COL4A3: variants seen among roughly 807,000 people sequenced by gnomAD.
The protein encoded by COL4A3 is collagen alpha-3(IV) chain.
In COL4A3, 135 loss-of-function variants were observed where a neutral mutation model predicts 217.4. The observed-to-expected ratio is 0.62, with a 90% CI of 0.54 to 0.72. The LOEUF is 0.72. Ranked by LOEUF, COL4A3 falls within the 30% of genes least tolerant of loss-of-function variation. COL4A3 has a pLI of 0.00. For missense variants in COL4A3, 1,868 were observed against 2,119.9 expected (o/e 0.88, Z 2.33); for synonymous variants, 690 against 736.3 (o/e 0.94, Z 1.02).
intron 8 of COL4A3, chr2:227,248,242 C>T (rs1007037455): frequency 7.5e-6 from 4 of 530,376 alleles, no homozygotes; most frequent in African/African-American, 5.7e-5. Flanking sequence ...ACTGGGCCCA[C>T]TGTAAATTTT....
At chr2:227,201,817 C>G (rs2066697946) in intron 1 of COL4A3, among the ~76,000 whole-genome samples, 1 of 152,070 alleles carries the variant, frequency 6.6e-6, no homozygotes, top group South Asian at 2.1e-4. Context: ...AAATGGATAG[C>G]CAGATTAATT....
rs1168237406 is a variant in COL4A3, at chr2:227,284,319, G to A, written c.2855G>A (p.Gly952Glu). The change falls in exon 34 of 52, where the codon GGG becomes GAG. Residue 952 changes from glycine (G) to glutamate (E), a missense_variant. By Grantham distance (98) the Gly-to-Glu change is moderately conservative. Transcript: ENST00000396578. The part of the protein sequence containing the change: ...PGPSEISHVI[G>E]DKGEPGLKGF... ...CCTTCAGAGATATCCCACGTAATAG[G>A]GGACAAAGGAGAACCAGGTCTCAAA... 1 of 1,613,940 alleles carries A rather than the reference G, an allele frequency of 6.2e-7. No individual in the cohort carries two copies. The highest frequency in any genetic ancestry group is 1.1e-5 in the South Asian group (1 of 91,022).
intron 21 of COL4A3, among the ~76,000 whole-genome samples, 162 bp from the exon 22 acceptor site, chr2:227,266,255 A>C (rs1418994206): frequency 6.6e-6 from 1 of 152,242 alleles, no homozygotes; most frequent in African/African-American, 2.4e-5. Context: ...TATGAAGGGA[A>C]GAGCTGGTCA....
Position 227,236,046 on chromosome 2 carries a change from T to C in COL4A3, c.88-1922T>C, listed in dbSNP as rs182680410. Among the ~76,000 whole-genome samples, 189 of 152,270 alleles carry C rather than the reference T, an allele frequency of 1.2e-3. 1 individual carries two copies. Among genetic ancestry groups the C allele is most frequent in the Non-Finnish European group, 2.1e-3 (146 of 68,024 alleles). Reference sequence around the variant, plus strand: ...CCCTGGGCCTCGCAAAGTGCTGGGATTGCAGGCGTGAGCCCCCGTGCCCAG... The same window carrying C: ...CCCTGGGCCTCGCAAAGTGCTGGGACTGCAGGCGTGAGCCCCCGTGCCCAG... On this transcript the variant is annotated intron_variant, in intron 1 of 51. Coordinates refer to ENST00000396578, the MANE Select transcript of COL4A3 (RefSeq NM_000091.5).
At chr2:227,272,400 C>G (rs190510771) in intron 25 of COL4A3, among the ~76,000 whole-genome samples, 1 of 152,168 alleles carries the variant, frequency 6.6e-6, no homozygotes, top group East Asian at 1.9e-4. Flanking sequence ...TTTCAGAGGG[C>G]CATGTTGGGA....
rs72371878 is a variant in COL4A3 at position 227,282,275 on chromosome 2, A to AAT, written c.2489-65_2489-64dup. On this transcript the variant is annotated intron_variant, in intron 31 of 51. Transcript: ENST00000396578. The surrounding 1 kb of genome is among the most constrained non-coding windows in gnomAD (Gnocchi z 4.4). ...AGACAGAGGGAGATTCCATCTTAAA[A>AAT]ATATATATATATATATATATATATA... The AAT allele has an allele frequency of 0.027, 9,647 of 354,008 alleles. 529 individuals carry two copies. Among genetic ancestry groups the AAT allele is most frequent in the African/African-American group, 0.16 (6,194 of 39,938 alleles). 21.9% of individuals were successfully genotyped at this position (354,008 alleles called of 1,614,324 possible).
At chr2:227,309,598 T>C (rs1469284097) in intron 50 of COL4A3, among the ~76,000 whole-genome samples, 1 of 152,068 alleles carries the variant, frequency 6.6e-6, no homozygotes, top group African/African-American at 2.4e-5. Flanking sequence ...AATGTCTCTT[T>C]TTATTATTTT....
Position 227,303,043 on chromosome 2 carries a change from A to C in COL4A3, c.3888A>C (p.Ala1296=), listed in dbSNP as rs1219805452. ...TCCCTTTATTTGAAATATAGGGAGC[A>C]CCAGGTACTCCAGGTCTTCCAGGAC... ...GDMGPPGRLG[A]PGTPGLPGPR... is the part of the protein sequence containing the mutation. The change falls in exon 44 of 52, where the codon GCA becomes GCC. Residue 1296 remains alanine (A), a synonymous_variant. Coordinates refer to ENST00000396578, the MANE Select transcript of COL4A3 (RefSeq NM_000091.5). The C allele has an allele frequency of 1.2e-6, 2 of 1,612,340 alleles. No homozygotes were observed. The highest frequency in any genetic ancestry group is 2.7e-5 in the African/African-American group (2 of 74,902).
chr2:227,193,723 A>C (rs921615059), intron 1 of COL4A3, among the ~76,000 whole-genome samples: 20 of 116,470 alleles, frequency 1.7e-4, no homozygotes, highest in African/African-American at 6.6e-4. Flanking sequence ...AAAAGAAAGA[A>C]AGAAGGAAGG....
chr2:227,214,428 ATT>A (rs1366775118), intron 1 of COL4A3, among the ~76,000 whole-genome samples: 1 of 152,212 alleles, frequency 6.6e-6, no homozygotes, highest in Non-Finnish European at 1.5e-5. Context: ...TCATTTGTAT[ATT>A]CTCTGATTTA....
chr2:227,238,384 CTT>C (rs571470938), intron 2 of COL4A3, among the ~76,000 whole-genome samples: 10,159 of 149,956 alleles, frequency 0.068, 451 homozygotes, highest in African/African-American at 0.13. Flanking sequence ...GATTCATTCA[CTT>C]TGACAGAAAA....
intron 1 of COL4A3, among the ~76,000 whole-genome samples, chr2:227,234,926 C>T (rs758474449): frequency 1.2e-4 from 18 of 152,170 alleles, no homozygotes; most frequent in Non-Finnish European, 2.4e-4. Flanking sequence ...TGTTGTGTGG[C>T]ATCTGGGAGG....
At chr2:227,276,648 G>T (rs1483077080) in intron 27 of COL4A3, among the ~76,000 whole-genome samples, 171 bp downstream of exon 27, 1 of 152,226 alleles carries the variant, frequency 6.6e-6, no homozygotes, top group Non-Finnish European at 1.5e-5. Context: ...ACTTGCTATA[G>T]TTCTCTGAGG....
chr2:227,292,102 A>T (rs2072779823), intron 37 of COL4A3, among the ~76,000 whole-genome samples: 2 of 152,222 alleles, frequency 1.3e-5, no homozygotes, highest in African/African-American at 4.8e-5. Flanking sequence ...TTAGATTTTT[A>T]GATTTTCAAC....
chr2:227,290,229 G>A (rs1301841800), intron 36 of COL4A3, 141 bp downstream of exon 36: 2 of 777,782 alleles, frequency 2.6e-6, no homozygotes, highest in African/African-American at 1.7e-5. Flanking sequence ...CGGGCACGGT[G>A]GCTCATGCCT....
rs747356302 is a variant in COL4A3 at position 227,280,498 on chromosome 2, G to A, written c.2282G>A (p.Arg761Lys). The change falls in exon 30 of 52, where the codon AGA becomes AAA. Residue 761 changes from arginine to lysine, a missense_variant. By Grantham distance (26) the Arg-to-Lys change is conservative (BLOSUM62 2). This residue lies in a region of COL4A3 where 1,503 missense variants were observed against 1,786.1 expected (regional missense o/e 0.84). Coordinates refer to ENST00000396578, the MANE Select transcript of COL4A3 (RefSeq NM_000091.5). Reference sequence around the variant, plus strand: ...GGAACACCAGGTTTTCCAGGAGAAAGAGGCAATTCTGGGGAACATGGAGAA... The same window carrying A: ...GGAACACCAGGTTTTCCAGGAGAAAAAGGCAATTCTGGGGAACATGGAGAA... ...GPGTPGFPGE[R>K]GNSGEHGEIG... The A allele has an allele frequency of 5.1e-5, 82 of 1,614,058 alleles. No homozygotes were observed. The Middle Eastern group carries it at 8.2e-4, about 16-fold the overall frequency.
At chr2:227,228,213 A>G (rs919471150) in intron 1 of COL4A3, among the ~76,000 whole-genome samples, 2 of 152,354 alleles carry the variant, frequency 1.3e-5, no homozygotes, top group African/African-American at 4.8e-5. Flanking sequence ...CAGCAGCTTC[A>G]GGGCGGGGCA....
chr2:227,208,448 T>C (rs991637796), intron 1 of COL4A3, among the ~76,000 whole-genome samples: 2 of 152,044 alleles, frequency 1.3e-5, no homozygotes, highest in Admixed American at 6.6e-5. Context: ...CACCCAGACC[T>C]GTAATCTGGT....
chr2:227,258,649 C>G (rs1265242320), intron 18 of COL4A3, among the ~76,000 whole-genome samples: 1 of 152,138 alleles, frequency 6.6e-6, no homozygotes, highest in Non-Finnish European at 1.5e-5. Context: ...GGCCTTAATC[C>G]CATTAATGAG....
Sources: allele counts gnomAD v4.1 joint callset (sites outside exome capture counted in the v4.1 genomes callset), GRCh38; gene constraint gnomAD v4.1.1; regional missense constraint gnomAD v4.1.1; non-coding constraint Gnocchi (gnomAD v3.1); transcripts MANE v1.5; gene names NCBI Gene and HGNC (gene_info 2026-07-23, HGNC 2026-07-21).